Variants in PCDHA6 observed in about 807,000 individuals in gnomAD.
PCDHA6 encodes protocadherin alpha 6, also known as protocadherin alpha-6.
PCDHA6 carries 55 observed loss-of-function variants against 60.3 expected under a neutral mutation model. That is an observed-to-expected ratio of 0.91 (90% CI 0.73 to 1.14). PCDHA6 has a LOEUF of 1.14. PCDHA6 is among the 50% of genes most tolerant of loss of function. The probability of loss-of-function intolerance (pLI) is 0.00; values close to 1 mark genes in which losing one functional copy is unlikely to be tolerated. For missense variants in PCDHA6, 1,327 were observed against 1,256.5 expected (o/e 1.06, Z -0.85); for synonymous variants, 652 against 557.9 (o/e 1.17, Z -2.38).
chr5:140,991,879 G>A (rs1464021872), intron 3 of PCDHA6, among the ~76,000 whole-genome samples: 1 of 152,174 alleles, frequency 6.6e-6, no homozygotes, highest in Non-Finnish European at 1.5e-5. Flanking sequence ...TCCTAGGGCT[G>A]CCATAACAAA....
At position 140,829,016 on chromosome 5, in the gene PCDHA6, G is replaced by C. The variant is rs1554131717; in HGVS notation, c.925G>C (p.Asp309His). The C allele has an allele frequency of 5.0e-6, 8 of 1,613,532 alleles. No individual in the cohort carries two copies. In the East Asian group the frequency reaches 1.6e-4, roughly 31 times the overall value. ...AGAAATAGTGATTCGGGGTAATTTG[G>C]ATTTTGAACAAGAAAACTTATACAA... is the stretch of plus-strand genomic sequence containing the variant. ...TGEIVIRGNL[D>H]FEQENLYKIL... Residue 309 changes from aspartate to histidine, a missense_variant, in exon 1 of 4, where the codon GAT (aspartate) becomes CAT (histidine). Coordinates refer to ENST00000529310, the MANE Select transcript of PCDHA6 (RefSeq NM_018909.4).
chr5:140,978,911 T>C, intron 1 of PCDHA6, 38 bp from the exon 2 acceptor site: 1 of 1,613,856 alleles, frequency 6.2e-7, no homozygotes, highest in Non-Finnish European at 8.5e-7. Context: ...AACATTGTCT[T>C]GTCATTTTAA....
At position 140,828,503 on chromosome 5, in the gene PCDHA6, CA is replaced by C. The variant is rs2150156146; in HGVS notation, c.415del (p.Arg139GlufsTer3). The stretch of plus-strand genomic sequence containing the variant: ...CCCGCCCTTGTTCCCGGTAGAGGAA[CA>C]AAGAGTGCTGATTTACGAATCTAGG... The part of the protein sequence containing the change: ...DNPPLFPVEE[Q>X]RVLIYESRLP... On this transcript the variant is annotated frameshift_variant, in exon 1 of 4. Coordinates refer to ENST00000529310, the MANE Select transcript of PCDHA6 (RefSeq NM_018909.4). LOFTEE classifies it high-confidence loss of function. 1.9e-6 allele frequency: 3 copies of C among 1,614,120 alleles called. No individual in the cohort carries two copies. The Admixed American group carries it at 5.0e-5, about 27-fold the overall frequency.
At position 140,959,344 on chromosome 5, in the gene PCDHA6, C is replaced by T. The variant is rs541663379; in HGVS notation, c.2395-19605C>T. Among the ~76,000 whole-genome samples the T allele has an allele frequency of 2.0e-4, 30 of 152,112 alleles. No individual in the cohort carries two copies. The South Asian group carries it at 6.0e-3, about 31-fold the overall frequency. On this transcript the variant is annotated intron_variant, in intron 1 of 3. Coordinates refer to ENST00000529310, the MANE Select transcript of PCDHA6 (RefSeq NM_018909.4). Reference sequence around the variant, plus strand: ...AAGTTTTGATTATGCTACTGCACTCCAGCGGGACAACTGAGTGAGACCCTG... The same window carrying T: ...AAGTTTTGATTATGCTACTGCACTCTAGCGGGACAACTGAGTGAGACCCTG...
At chr5:141,000,391 CTCTCTATATATA>C (rs1452985170) in intron 3 of PCDHA6, among the ~76,000 whole-genome samples, 26 of 56,648 alleles carry the variant, frequency 4.6e-4, no homozygotes, top group Middle Eastern at 0.011. Flanking sequence ...CTCTCTCTCT[CTCTCTATATATA>C]TATATATATA....
chr5:140,883,695 C>T, intron 1 of PCDHA6: 2 of 1,613,804 alleles, frequency 1.2e-6, no homozygotes, highest in Non-Finnish European at 1.7e-6. Context: ...CACATCTTCA[C>T]GGTGTCTGCT....
At chr5:140,877,497 C>G in intron 1 of PCDHA6, 1 of 1,613,848 alleles carries the variant, frequency 6.2e-7, no homozygotes, top group South Asian at 1.1e-5. Context: ...ACGGCCAGGC[C>G]CCAAAGACGT....
chr5:140,855,992 T>A lies in PCDHA6; in HGVS notation c.2394+25507T>A, dbSNP rs2043714140. On this transcript the variant is annotated intron_variant, in intron 1 of 3. Transcript: ENST00000529310. ...AAGAAATAGGACAGAAAATGTCAGA[T>A]CGTATGTGCGTTCTAGACCGCTGAT... 1.6e-5 allele frequency: 24 copies of A among 1,492,840 alleles called. 4 individuals carry two copies. The highest frequency in any genetic ancestry group is 1.2e-4 in the South Asian group (9 of 76,326). 92.5% of individuals were successfully genotyped at this position (1,492,840 alleles called of 1,614,324 possible).
At chr5:140,954,650 C>G (rs2095069221) in intron 1 of PCDHA6, among the ~76,000 whole-genome samples, 1 of 151,902 alleles carries the variant, frequency 6.6e-6, no homozygotes, top group Non-Finnish European at 1.5e-5. Context: ...TGTTTAAGTT[C>G]CTTGTAGACT....
chr5:140,913,471 C>G (rs2076351409), intron 1 of PCDHA6, among the ~76,000 whole-genome samples: 1 of 152,010 alleles, frequency 6.6e-6, no homozygotes, highest in South Asian at 2.1e-4. Context: ...TGGGTCTTCT[C>G]TCTTTTTTTC....
chr5:140,836,877 C>T (rs937347859), intron 1 of PCDHA6: 1 of 682,570 alleles, frequency 1.5e-6, no homozygotes, highest in Non-Finnish European at 2.3e-6. Context: ...GCTGTATTTG[C>T]ACTAATTATT....
At chr5:140,901,235 T>A (rs1554189665) in intron 1 of PCDHA6, among the ~76,000 whole-genome samples, 1 of 152,174 alleles carries the variant, frequency 6.6e-6, no homozygotes, top group African/African-American at 2.4e-5. Context: ...TATATCCATT[T>A]TTTTCCTTTG....
chr5:140,976,788 G>A (rs969853431), intron 1 of PCDHA6, among the ~76,000 whole-genome samples: 4 of 152,218 alleles, frequency 2.6e-5, no homozygotes, highest in Middle Eastern at 3.4e-3. Flanking sequence ...ATATAGCTAC[G>A]CTTTTATGAA....
chr5:140,843,514 G>T lies in PCDHA6; in HGVS notation c.2394+13029G>T, dbSNP rs2150361625. 18 of 1,595,918 alleles carry T rather than the reference G, an allele frequency of 1.1e-5. 2 individuals carry two copies. Among genetic ancestry groups the T allele is most frequent in the Non-Finnish European group, 1.5e-5 (18 of 1,165,532 alleles). The stretch of plus-strand genomic sequence containing the variant: ...GCTCAGCACTGCCCACTGAGGGCGG[G>T]TGCCGGGCGGGCAAGCCCACTCTGG... On this transcript the variant is annotated intron_variant, in intron 1 of 3. Coordinates refer to ENST00000529310, the MANE Select transcript of PCDHA6 (RefSeq NM_018909.4).
At chr5:140,952,057 C>T (rs1214818651) in intron 1 of PCDHA6, among the ~76,000 whole-genome samples, 1 of 152,164 alleles carries the variant, frequency 6.6e-6, no homozygotes, top group Non-Finnish European at 1.5e-5. Flanking sequence ...AATCTTAAAG[C>T]TCCAAATAAT....
At chr5:140,846,180 G>A (rs1196711565) in intron 1 of PCDHA6, among the ~76,000 whole-genome samples, 4 of 149,348 alleles carry the variant, frequency 2.7e-5, no homozygotes, top group East Asian at 1.9e-4. Context: ...CTGAGTAGGC[G>A]TTTGAGTTCT....
At chr5:140,927,616 G>C in intron 1 of PCDHA6, 1 of 1,614,164 alleles carries the variant, frequency 6.2e-7, no homozygotes, top group Non-Finnish European at 8.5e-7. Flanking sequence ...CCGCACCAAG[G>C]TTCCAGAGAC....
chr5:140,939,018 T>G (rs1554212547), intron 1 of PCDHA6, among the ~76,000 whole-genome samples: 1 of 152,228 alleles, frequency 6.6e-6, no homozygotes, highest in Non-Finnish European at 1.5e-5. Context: ...TTACTTTTCT[T>G]TTACTTATTC....
intron 1 of PCDHA6, chr5:140,868,931 G>C: frequency 9.2e-7 from 1 of 1,092,440 alleles, no homozygotes; most frequent in Non-Finnish European, 1.3e-6. Context: ...TCATTTAAAG[G>C]TTGGTCTGAA....
Sources: gnomAD v4.1 joint callset for allele counts (sites outside exome capture counted in the v4.1 genomes callset) on GRCh38, gnomAD v4.1.1 for gene constraint, MANE v1.5 for transcripts, NCBI Gene and HGNC (gene_info 2026-07-23, HGNC 2026-07-21) for gene names.